DDX17: variants seen among roughly 807,000 people sequenced by gnomAD.
The protein encoded by DDX17 is probable ATP-dependent RNA helicase DDX17.
DDX17 carries 10 observed loss-of-function variants against 80.8 expected under a neutral mutation model. The ratio of observed to expected loss-of-function variants is 0.12; its 90% CI spans 0.08 to 0.21. The LOEUF is 0.21. Among genes scored for constraint, DDX17 ranks in the 10% least tolerant of loss-of-function variants. The pLI is 1.00. For missense variants in DDX17, 586 were observed against 957.4 expected, an observed-to-expected ratio of 0.61 and a Z score of 5.12; for synonymous variants, 339 against 336.2, an observed-to-expected ratio of 1.01 and a Z score of -0.09.
chr22:38,503,162 T>C (rs1285613007), intron 1 of DDX17, among the ~76,000 whole-genome samples: 2 of 152,154 alleles, frequency 1.3e-5, no homozygotes, highest in Non-Finnish European at 1.5e-5. Context: ...ATATTTAATA[T>C]GCCCCTCAGC....
Position 38,488,041 on chromosome 22 carries a change from G to A in DDX17, c.1522C>T (p.Arg508Ter), listed in dbSNP as rs769277987. The A allele has an allele frequency of 6.2e-7, 1 of 1,614,152 alleles. No homozygotes were observed. Among genetic ancestry groups the A allele is most frequent in the South Asian group, 1.1e-5 (1 of 91,084 alleles). Residue 508 changes from arginine (R) to a stop codon, truncating the protein, a stop_gained, in exon 12 of 13, where the codon CGA becomes TGA. Coordinates refer to ENST00000403230, the MANE Select transcript of DDX17 (RefSeq NM_006386.5). LOFTEE classifies it high-confidence loss of function. Reference sequence around the variant, plus strand: ...CCCTTGTTGGTGCTACGGGCTGTTCGGCCAATACGGTGCACATAATCCTCT... The same window carrying A: ...CCCTTGTTGGTGCTACGGGCTGTTCAGCCAATACGGTGCACATAATCCTCT...
At chr22:38,499,259 G>C (rs1428883939) in intron 3 of DDX17, 141 bp downstream of exon 3, 2 of 657,230 alleles carry the variant, frequency 3.0e-6, no homozygotes, top group Non-Finnish European at 5.4e-6. Context: ...CTAAATACTA[G>C]AACAGAACTG....
At position 38,488,829 on chromosome 22, in the gene DDX17, G is replaced by A. The variant is rs1020098427; in HGVS notation, c.1448-714C>T. The A allele has an allele frequency of 1.2e-5, 12 of 985,198 alleles. No homozygotes were observed. In the African/African-American group the frequency reaches 1.7e-4, roughly 14 times the overall value. The allele number at this position is 985,198 out of a possible 1,614,324, so 61.0% of individuals were successfully genotyped here. A position where few individuals can be genotyped will look rare whatever the true frequency, so the allele number is the denominator to read the frequency against. Reference sequence around the variant, plus strand: ...TACTGTACTACCAAGCCCAGCTTCTGCCAAAATGAGGATATTTTTGCTCAA... The same window carrying A: ...TACTGTACTACCAAGCCCAGCTTCTACCAAAATGAGGATATTTTTGCTCAA... On this transcript the variant is annotated intron_variant, in intron 11 of 12. Coordinates refer to ENST00000403230, the MANE Select transcript of DDX17 (RefSeq NM_006386.5).
intron 5 of DDX17, among the ~76,000 whole-genome samples, chr22:38,497,628 A>AAAAAAAG (rs900336566): frequency 1.3e-5 from 2 of 149,622 alleles, no homozygotes; most frequent in African/African-American, 2.5e-5. Flanking sequence ...CCAAAAAAAA[A>AAAAAAAG]AAAAAAAAAG....
intron 11 of DDX17, chr22:38,490,552 G>A (rs1380865492): frequency 1.2e-6 from 1 of 818,320 alleles, no homozygotes; most frequent in Non-Finnish European, 1.7e-6. Context: ...GTAGCCTAAG[G>A]ATGACTATTA....
Position 38,486,094 on chromosome 22 carries a change from C to A in DDX17, c.2031G>T (p.Gln677His). The A allele has an allele frequency of 1.9e-6, 3 of 1,614,160 alleles. No homozygotes were observed. Among genetic ancestry groups the A allele is most frequent in the Non-Finnish European group, 2.5e-6 (3 of 1,180,032 alleles). Residue 677 changes from glutamine to histidine, a missense_variant, in exon 13 of 13, where the codon CAG (glutamine) becomes CAT (histidine). Gln to His is a conservative substitution (Grantham distance 24). This residue lies in a region of DDX17 where 221 missense variants were observed against 261.4 expected (regional missense o/e 0.85). Coordinates refer to ENST00000403230, the MANE Select transcript of DDX17 (RefSeq NM_006386.5). Reference sequence around the variant, plus strand: ...CAGACCGGCCTATCCCACTAAACTGCTGGCTAGAGCTCTGTGAACTTCTCC... The same window carrying A: ...CAGACCGGCCTATCCCACTAAACTGATGGCTAGAGCTCTGTGAACTTCTCC...
At position 38,488,130 on chromosome 22, in the gene DDX17, A is replaced by T. The variant is rs373838038; in HGVS notation, c.1448-15T>A. On this transcript the variant is annotated splice_polypyrimidine_tract_variant and intron_variant, in intron 11 of 12. Coordinates refer to ENST00000403230, the MANE Select transcript of DDX17 (RefSeq NM_006386.5). ...ATCTTCCACATCTTCCACGTCAATGATGAGTCAGTGTGTAGGTTGATGTGG... is the reference window on the plus strand; with the variant it reads ...ATCTTCCACATCTTCCACGTCAATGTTGAGTCAGTGTGTAGGTTGATGTGG... 14 of 1,614,028 alleles carry T rather than the reference A, an allele frequency of 8.7e-6. No individual in the cohort carries two copies. In the African/African-American group the frequency reaches 1.3e-4, roughly 15 times the overall value.
At chr22:38,505,826 C>T (rs1427932440) in intron 1 of DDX17, 125 bp downstream of exon 1, 4 of 1,250,730 alleles carry the variant, frequency 3.2e-6, no homozygotes, top group Non-Finnish European at 4.4e-6. Context: ...TGTCTCGCCT[C>T]GAGTCGCCTC....
In DDX17 at chr22:38,498,440, C is replaced by T. The variant is rs2089791881; in HGVS notation, c.672G>A (p.Ala224=). ...AGGATCTTCTCTTGCTCATACATACCGCCAACGTCTTCCCAGAGCCAGTCT... is the reference window on the plus strand; with the variant it reads ...AGGATCTTCTCTTGCTCATACATACTGCCAACGTCTTCCCAGAGCCAGTCT... The change falls in exon 4 of 13, where the codon GCG becomes GCA. Residue 224 remains alanine (A), a splice_region_variant and synonymous_variant. Coordinates refer to ENST00000403230, the MANE Select transcript of DDX17 (RefSeq NM_006386.5). 1 of 1,613,878 alleles carries T rather than the reference C, an allele frequency of 6.2e-7. No homozygotes were observed. The highest frequency in any genetic ancestry group is 8.5e-7 in the Non-Finnish European group (1 of 1,179,984).
intron 4 of DDX17, 62 bp downstream of exon 4, chr22:38,498,378 G>A: frequency 6.2e-7 from 1 of 1,601,208 alleles, no homozygotes; most frequent in Non-Finnish European, 8.5e-7. Flanking sequence ...GAGAACGTAT[G>A]ACAACTAGAA....
intron 11 of DDX17, chr22:38,488,525 C>G: frequency 9.7e-7 from 1 of 1,031,300 alleles, no homozygotes; most frequent in Non-Finnish European, 1.2e-6. Context: ...CAAATCACTT[C>G]TACTCTGTTG....
At chr22:38,498,279 A>T in intron 4 of DDX17, 129 bp from the exon 5 acceptor site, 1 of 1,377,104 alleles carries the variant, frequency 7.3e-7, no homozygotes, top group South Asian at 1.3e-5. Context: ...ATATACAGGA[A>T]GCAATACAAA....
chr22:38,493,641 T>TA, intron 10 of DDX17, 69 bp downstream of exon 10: 2 of 1,298,520 alleles, frequency 1.5e-6, no homozygotes, highest in South Asian at 1.2e-5. Context: ...ATCCCTGAAA[T>TA]AGAGCATGAA....
chr22:38,494,961 A>T lies in DDX17; in HGVS notation c.966T>A (p.Leu322=), dbSNP rs925325017. Residue 322 remains leucine (L), a synonymous_variant, in exon 7 of 13, where the codon CTT becomes CTA. Coordinates refer to ENST00000403230, the MANE Select transcript of DDX17 (RefSeq NM_006386.5). Reference sequence around the variant, plus strand: ...GCATTCTGTCAGCTTCGTCCAATACAAGGTAAGTACATCGGCGAAGATTTG... The same window carrying T: ...GCATTCTGTCAGCTTCGTCCAATACTAGGTAAGTACATCGGCGAAGATTTG... 6.2e-7 allele frequency: 1 copy of T among 1,614,082 alleles called. No homozygotes were observed. The highest frequency in any genetic ancestry group is 1.3e-5 in the African/African-American group (1 of 74,932).
intron 8 of DDX17, 193 bp from the exon 9 acceptor site, chr22:38,494,324 C>T: frequency 8.5e-6 from 5 of 590,176 alleles, no homozygotes; most frequent in Non-Finnish European, 1.5e-5. Flanking sequence ...ATCCTCACAG[C>T]AAGTCTCATG....
At chr22:38,493,618 AG>A in intron 10 of DDX17, 91 bp downstream of exon 10, 2 of 1,043,284 alleles carry the variant, frequency 1.9e-6, no homozygotes, top group Non-Finnish European at 3.0e-6. Context: ...GGCCCTTTAC[AG>A]AAAGTTTGCC....
intron 6 of DDX17, among the ~76,000 whole-genome samples, 198 bp from the exon 7 acceptor site, chr22:38,495,244 C>CTT (rs1183578247): frequency 7.1e-5 from 3 of 42,248 alleles, no homozygotes; most frequent in African/African-American, 2.0e-4. Flanking sequence ...TGCAGAGAAG[C>CTT]TATTTTTTTT....
rs1212678825 is a variant in DDX17, at chr22:38,485,566, CA to C, written c.*368del. The C allele has an allele frequency of 1.8e-5, 2 of 111,198 alleles. No homozygotes were observed. Among genetic ancestry groups the C allele is most frequent in the African/African-American group, 6.9e-5 (2 of 29,132 alleles). The allele number at this position is 111,198 out of a possible 1,614,324, so 6.9% of individuals were successfully genotyped here. A position where few individuals can be genotyped will look rare whatever the true frequency, so the allele number is the denominator to read the frequency against. ...TCCCCACCAACTCAGAAAAACAAAA[CA>C]TGGGGCTCCCACAAAAGGGCCTAAT... On this transcript the variant is annotated 3_prime_UTR_variant, in exon 13 of 13. Transcript: ENST00000403230.
chr22:38,501,613 GAATT>G (rs2089831699), intron 1 of DDX17, among the ~76,000 whole-genome samples: 1 of 152,194 alleles, frequency 6.6e-6, no homozygotes, highest in Non-Finnish European at 1.5e-5. Flanking sequence ...AATTTGAAGA[GAATT>G]ATTTAACTTC....
Sources: gnomAD v4.1 joint callset for allele counts (sites outside exome capture counted in the v4.1 genomes callset) on GRCh38, gnomAD v4.1.1 for gene constraint, gnomAD v4.1.1 regional missense constraint, MANE v1.5 for transcripts, NCBI Gene and HGNC (gene_info 2026-07-23, HGNC 2026-07-21) for gene names.